Variants in MYO16 observed in about 807,000 individuals in gnomAD.
MYO16 encodes the protein myosin XVI, also known as unconventional myosin-XVI.
MYO16 carries 94 observed loss-of-function variants against 205.3 expected under a neutral mutation model. The ratio of observed to expected loss-of-function variants is 0.46; its 90% CI spans 0.39 to 0.54. The LOEUF (loss-of-function observed/expected upper bound fraction) is 0.54, where lower values mean the gene tolerates loss of function less well. Among genes scored for constraint, MYO16 ranks in the 20% least tolerant of loss-of-function variants. The pLI is 0.00. For synonymous variants in MYO16, 988 were observed against 954.0 expected (o/e 1.04, Z -0.66); for missense variants, 2,315 against 2,387.5 (o/e 0.97, Z 0.63).
chr13:108,957,399 A>AAC (rs1338960798), intron 16 of MYO16, among the ~76,000 whole-genome samples: 1 of 151,516 alleles, frequency 6.6e-6, no homozygotes, highest in Admixed American at 6.6e-5. Flanking sequence ...AAAAAAAAAA[A>AAC]AACAAAAACA....
chr13:109,088,067 C>T (rs762804916), intron 27 of MYO16, among the ~76,000 whole-genome samples: 2 of 152,172 alleles, frequency 1.3e-5, no homozygotes, highest in African/African-American at 2.4e-5. Context: ...CCTGAGCATG[C>T]GTGATCAAAT....
chr13:108,747,072 T>A (rs902015853), intron 4 of MYO16, among the ~76,000 whole-genome samples: 5 of 152,136 alleles, frequency 3.3e-5, no homozygotes, highest in African/African-American at 1.2e-4. Flanking sequence ...CCTTCAATTA[T>A]CCTGTGAAAA....
intron 16 of MYO16, among the ~76,000 whole-genome samples, chr13:108,928,039 C>G (rs927798821): frequency 1.3e-5 from 2 of 152,244 alleles, no homozygotes; most frequent in Non-Finnish European, 2.9e-5. Flanking sequence ...CCATCTCCAG[C>G]CTGTCTCCTT....
the MYO16 span, among the ~76,000 whole-genome samples, chr13:108,509,704 G>T: frequency 6.6e-6 from 1 of 152,122 alleles, no homozygotes. Flanking sequence ...GTTAAATGAC[G>T]AGTTAATGGG....
chr13:108,503,955 T>C, the MYO16 span, among the ~76,000 whole-genome samples: 1 of 134,700 alleles, frequency 7.4e-6, no homozygotes, highest in Non-Finnish European at 1.7e-5. Flanking sequence ...GAATTTATCA[T>C]AGGTTTTATT....
the MYO16 span, among the ~76,000 whole-genome samples, chr13:108,568,870 T>C: frequency 6.6e-6 from 1 of 152,148 alleles, no homozygotes; most frequent in African/African-American, 2.4e-5. Context: ...ATAATTTTTC[T>C]GTCCAACTTT....
Position 109,052,468 on chromosome 13 carries a change from T to C in MYO16, c.3041T>C (p.Leu1014Pro). 1 of 1,596,040 alleles carries C rather than the reference T, an allele frequency of 6.3e-7. No individual in the cohort carries two copies. The highest frequency in any genetic ancestry group is 1.7e-5 in the Admixed American group (1 of 58,012). Residue 1014 changes from leucine (L) to proline (P), a missense_variant, in exon 25 of 35, where the codon CTT becomes CCT. Physicochemically the swap from Leu to Pro is moderately conservative, Grantham distance 98. Around this residue, in one of 3 missense-constraint regions of MYO16, gnomAD observed 1,213 missense variants for 1,274.4 expected, o/e 0.95. Coordinates refer to ENST00000457511, the MANE Select transcript of MYO16 (RefSeq NM_001198950.3). ...GGAGAAAACAAGAATTATCTAGAAC[T>C]TAGTAAGGTAGGAGTTTTTATGATT... ...IIGENKNYLE[L>P]SKLLKKKGTS... is the part of the protein sequence containing the mutation.
intron 9 of MYO16, among the ~76,000 whole-genome samples, chr13:108,827,558 C>T (rs1488112351): frequency 6.6e-6 from 1 of 152,096 alleles, no homozygotes; most frequent in Non-Finnish European, 1.5e-5. Context: ...CTAAGTTTTC[C>T]CCATGTTGCC....
At chr13:108,920,648 G>A (rs531453310) in intron 16 of MYO16, among the ~76,000 whole-genome samples, 20 of 152,146 alleles carry the variant, frequency 1.3e-4, no homozygotes, top group South Asian at 1.2e-3. Context: ...TAGTAGAGAC[G>A]GGGTTTCACC....
chr13:108,564,678 TG>T, the MYO16 span, among the ~76,000 whole-genome samples: 1 of 152,200 alleles, frequency 6.6e-6, no homozygotes, highest in Non-Finnish European at 1.5e-5. Flanking sequence ...TGCCCATTTT[TG>T]CTTTGGTTGC....
At chr13:108,659,503 C>A in intron 1 of MYO16, 1 of 200,720 alleles carries the variant, frequency 5.0e-6, no homozygotes. Context: ...AGAATCCCTG[C>A]CACCTCCCTT....
intron 20 of MYO16, among the ~76,000 whole-genome samples, chr13:108,972,243 C>CTATA (rs1161845637): frequency 1.7e-4 from 2 of 11,498 alleles, no homozygotes; most frequent in African/African-American, 2.9e-4. Flanking sequence ...CTCTCTCTCT[C>CTATA]TCTCTCTATA....
chr13:108,618,974 C>T (rs1291279943), intron 1 of MYO16, among the ~76,000 whole-genome samples: 2 of 151,926 alleles, frequency 1.3e-5, no homozygotes, highest in African/African-American at 4.8e-5. Flanking sequence ...TAGAAAGTTC[C>T]CTAGAGCCCT....
chr13:108,976,931 A>G (rs1208629468), intron 20 of MYO16, among the ~76,000 whole-genome samples: 1 of 152,176 alleles, frequency 6.6e-6, no homozygotes, highest in African/African-American at 2.4e-5. Context: ...ATCATAAAAG[A>G]CGTAGATGAT....
At chr13:108,831,832 T>C (rs1453795543) in intron 9 of MYO16, among the ~76,000 whole-genome samples, 1 of 152,146 alleles carries the variant, frequency 6.6e-6, no homozygotes, top group Non-Finnish European at 1.5e-5. Context: ...TTTCTAAGAA[T>C]AACAGAGCAG....
intron 23 of MYO16, among the ~76,000 whole-genome samples, chr13:109,022,647 A>G (rs1345106469): frequency 2.3e-5 from 3 of 132,422 alleles, no homozygotes; most frequent in Non-Finnish European, 3.1e-5. Context: ...ATGCATATAA[A>G]CATATGTATA....
chr13:109,098,715 G>A (rs1350947479), intron 27 of MYO16, among the ~76,000 whole-genome samples: 1 of 152,146 alleles, frequency 6.6e-6, no homozygotes, highest in Non-Finnish European at 1.5e-5. Context: ...ACAGTGACAT[G>A]ACCTCTTTTT....
intron 4 of MYO16, among the ~76,000 whole-genome samples, chr13:108,734,358 T>C (rs950968699): frequency 6.6e-6 from 1 of 152,210 alleles, no homozygotes; most frequent in African/African-American, 2.4e-5. Context: ...CCTTCTTCTC[T>C]AGAAAAATTG....
chr13:109,078,936 T>A (rs774337879), intron 27 of MYO16, among the ~76,000 whole-genome samples: 2 of 152,130 alleles, frequency 1.3e-5, no homozygotes, highest in Non-Finnish European at 2.9e-5. Flanking sequence ...GGGACTTAGG[T>A]AGTCTATTCA....
Sources: allele counts gnomAD v4.1 joint callset (sites outside exome capture counted in the v4.1 genomes callset), GRCh38; gene constraint gnomAD v4.1.1; regional missense constraint gnomAD v4.1.1; transcripts MANE v1.5; gene names NCBI Gene and HGNC (gene_info 2026-07-23, HGNC 2026-07-21).